The following MAP3K2 variants were observed in gnomAD, a reference collection of about 807,000 sequenced individuals.
The protein encoded by MAP3K2 is mitogen-activated protein kinase kinase kinase 2.
MAP3K2 carries 24 observed loss-of-function variants against 80.3 expected under a neutral mutation model. The observed-to-expected ratio is 0.30, with a 90% CI of 0.22 to 0.42. The LOEUF (loss-of-function observed/expected upper bound fraction) is 0.42, where lower values mean the gene tolerates loss of function less well. Ranked by LOEUF, MAP3K2 falls within the 10% of genes least tolerant of loss-of-function variation. The probability of loss-of-function intolerance (pLI) is 1.00; values close to 1 mark genes in which losing one functional copy is unlikely to be tolerated. For synonymous variants in MAP3K2, 244 were observed against 253.7 expected (o/e 0.96, Z 0.36); for missense variants, 608 against 750.1 (o/e 0.81, Z 2.21).
chr2:127,334,002 C>T (rs1002672875), intron 5 of MAP3K2, among the ~76,000 whole-genome samples: 3 of 151,836 alleles, frequency 2.0e-5, no homozygotes, highest in African/African-American at 4.8e-5. Flanking sequence ...AGGAGGCTGA[C>T]GTGGGAAGAT....
intron 1 of MAP3K2, among the ~76,000 whole-genome samples, chr2:127,380,921 T>C (rs1239968993): frequency 6.6e-6 from 1 of 152,246 alleles, no homozygotes; most frequent in Non-Finnish European, 1.5e-5. Context: ...TTCATAAAAA[T>C]GAAGTTCACT....
rs752516255 is a variant in MAP3K2 at position 127,350,454 on chromosome 2, C to CAAA, written c.-65-7263_-65-7261dup. Among the ~76,000 whole-genome samples the CAAA allele has an allele frequency of 4.0e-3, 402 of 99,378 alleles. 4 individuals are homozygous for CAAA. Among genetic ancestry groups the CAAA allele is most frequent in the Middle Eastern group, 7.1e-3 (1 of 140 alleles). The allele number at this position is 99,378 out of a possible 152,430, so 65.2% of individuals were successfully genotyped here. On this transcript the variant is annotated intron_variant, in intron 1 of 16. Transcript: ENST00000682094. ...CCATCTCCTGAAACAAAAACAAAAACAAAAAAAAAAAAAAAAAGAAAGAAG... is the reference window on the plus strand; with the variant it reads ...CCATCTCCTGAAACAAAAACAAAAACAAAAAAAAAAAAAAAAAAAAGAAAGAAG...
intron 1 of MAP3K2, among the ~76,000 whole-genome samples, chr2:127,356,933 CAG>C (rs1441756508): frequency 1.3e-5 from 2 of 152,112 alleles, no homozygotes; most frequent in African/African-American, 2.4e-5. Flanking sequence ...ACAGAGTAAA[CAG>C]ACAACCTACA....
At chr2:127,328,079 A>C (rs1010152037) in intron 7 of MAP3K2, among the ~76,000 whole-genome samples, 13 of 152,340 alleles carry the variant, frequency 8.5e-5, no homozygotes, top group African/African-American at 3.1e-4. Context: ...GTTCGAGACC[A>C]ATCTGGCTAA....
At chr2:127,369,189 A>G (rs1309454817) in intron 1 of MAP3K2, among the ~76,000 whole-genome samples, 1 of 150,874 alleles carries the variant, frequency 6.6e-6, no homozygotes, top group Non-Finnish European at 1.5e-5. Flanking sequence ...AGACCTTGTG[A>G]TCTGCCCGCC....
rs149831166 is a variant in MAP3K2 at position 127,339,700 on chromosome 2, T to G, written c.5-650A>C. Among the ~76,000 whole-genome samples the G allele has an allele frequency of 7.2e-5, 11 of 152,342 alleles. No individual in the cohort carries two copies. In the East Asian group the frequency reaches 2.1e-3, roughly 29 times the overall value. On this transcript the variant is annotated intron_variant, in intron 2 of 16. Transcript: ENST00000682094. The surrounding 1 kb of genome is among the most constrained non-coding windows in gnomAD (Gnocchi z 4.2). The stretch of plus-strand genomic sequence containing the variant: ...TCCATAAAACTGAGAGAAAGCATCA[T>G]GAACATGAACTTTTAGACTCTTATA...
intron 9 of MAP3K2, 58 bp downstream of exon 9, chr2:127,325,670 A>G: frequency 1.4e-6 from 2 of 1,396,534 alleles, no homozygotes; most frequent in Non-Finnish European, 2.0e-6. Context: ...CCTGGGTGAC[A>G]GCAAAACTCT....
chr2:127,359,735 G>A (rs759348076), intron 1 of MAP3K2, among the ~76,000 whole-genome samples: 5 of 152,188 alleles, frequency 3.3e-5, no homozygotes, highest in Admixed American at 1.3e-4. Context: ...AGATCTGGAC[G>A]TTTAAAAGTG....
chr2:127,308,018 G>A (rs1443564097), intron 16 of MAP3K2, among the ~76,000 whole-genome samples: 1 of 151,904 alleles, frequency 6.6e-6, no homozygotes, highest in African/African-American at 2.4e-5. Context: ...TAATTCAAAC[G>A]GTTGGGCAAA....
intron 7 of MAP3K2, among the ~76,000 whole-genome samples, 158 bp from the exon 8 acceptor site, chr2:127,326,975 A>C (rs1483216091): frequency 6.6e-6 from 1 of 152,218 alleles, no homozygotes; most frequent in Non-Finnish European, 1.5e-5. Context: ...TAAATCTTCA[A>C]ATGGCTTTAT....
intron 1 of MAP3K2, among the ~76,000 whole-genome samples, chr2:127,371,251 C>T (rs955208948): frequency 5.3e-5 from 8 of 152,094 alleles, no homozygotes; most frequent in South Asian, 2.1e-4. Context: ...ATGAGTTGTG[C>T]GAACAACAAG....
At chr2:127,323,835 T>A in intron 11 of MAP3K2, 67 bp downstream of exon 11, 1 of 722,496 alleles carries the variant, frequency 1.4e-6, no homozygotes, top group African/African-American at 1.8e-5. Context: ...TTTTAAAAAA[T>A]TTTTGTATTT....
chr2:127,313,940 G>A (rs1685853889), intron 15 of MAP3K2, among the ~76,000 whole-genome samples: 1 of 152,134 alleles, frequency 6.6e-6, no homozygotes, highest in Non-Finnish European at 1.5e-5. Flanking sequence ...AGGTAGCTGG[G>A]ACTACAGTCA....
rs1415402277 is a variant in MAP3K2 at position 127,330,477 on chromosome 2, T to A, written c.293A>T (p.Asp98Val). 1.9e-6 allele frequency: 3 copies of A among 1,605,496 alleles called. No homozygotes were observed. The highest frequency in any genetic ancestry group is 2.7e-5 in the African/African-American group (2 of 74,640). ...CAGCAGTTCCACAGCTTTGTCCAAG[T>A]CATCTTGAGTAGTTAATGGAATTAC... ...ELVIPLTTQD[D>V]LDKAVELLDR... The change falls in exon 6 of 17, where the codon GAC (aspartate) becomes GTC (valine). Residue 98 changes from aspartate (D) to valine (V), a missense_variant. Transcript: ENST00000682094.
In MAP3K2 at chr2:127,314,833, C is replaced by T. The variant is rs1450098865; in HGVS notation, c.1377G>A (p.Val459=). The change falls in exon 15 of 17, where the codon GTG becomes GTA. Residue 459 remains valine (V), a synonymous_variant. Coordinates refer to ENST00000682094, the MANE Select transcript of MAP3K2 (RefSeq NM_001371910.2). The part of the protein sequence containing the change: ...LKAYGALTEN[V]TRKYTRQILE... ...GAATCTGACGGGTGTATTTCCTAGT[C>T]ACATTCTCAGTAAGAGCGCCATATG... 1.9e-6 allele frequency: 3 copies of T among 1,610,748 alleles called. No homozygotes were observed. Among genetic ancestry groups the T allele is most frequent in the Admixed American group, 3.3e-5 (2 of 59,958 alleles).
At chr2:127,328,091 A>G (rs1363814533) in intron 7 of MAP3K2, among the ~76,000 whole-genome samples, 1 of 152,216 alleles carries the variant, frequency 6.6e-6, no homozygotes, top group Non-Finnish European at 1.5e-5. Context: ...TCTGGCTAAC[A>G]GGCTGAAACC....
chr2:127,372,977 C>T lies in MAP3K2; in HGVS notation c.-66+14475G>A, dbSNP rs553899687. On this transcript the variant is annotated intron_variant, in intron 1 of 16. Transcript: ENST00000682094. ...GGGGCTCCCCTCCCCCACGGCCATT[C>T]GACATTGGCCTATAATCGTTACTGA... Among the ~76,000 whole-genome samples the T allele has an allele frequency of 1.5e-3, 230 of 152,292 alleles. 1 individual carries two copies. Among genetic ancestry groups the T allele is most frequent in the African/African-American group, 4.3e-3 (177 of 41,556 alleles).
At chr2:127,375,661 G>C (rs1687140195) in intron 1 of MAP3K2, among the ~76,000 whole-genome samples, 1 of 152,052 alleles carries the variant, frequency 6.6e-6, no homozygotes, top group South Asian at 2.1e-4. Context: ...ACCTGCCTCA[G>C]CCTCCCAAAG....
chr2:127,301,397 G>C lies in MAP3K2; in HGVS notation c.*6182C>G, dbSNP rs1245979967. 1.3e-5 allele frequency: 2 copies of C among 152,192 alleles called. No homozygotes were observed. The highest frequency in any genetic ancestry group is 6.5e-5 in the Admixed American group (1 of 15,282). The allele number at this position is 152,192 out of a possible 1,614,324, so 9.4% of individuals were successfully genotyped here. Reference sequence around the variant, plus strand: ...ATGTCTACATAGTTCCTCAATAGTGGAAGTAACTTCTGGATGTCTAAATGC... The same window carrying C: ...ATGTCTACATAGTTCCTCAATAGTGCAAGTAACTTCTGGATGTCTAAATGC... On this transcript the variant is annotated 3_prime_UTR_variant, in exon 17 of 17. Transcript: ENST00000682094.
Sources: gnomAD v4.1 joint callset for allele counts (sites outside exome capture counted in the v4.1 genomes callset) on GRCh38, gnomAD v4.1.1 for gene constraint, Gnocchi (gnomAD v3.1) non-coding constraint, MANE v1.5 for transcripts, NCBI Gene and HGNC (gene_info 2026-07-23, HGNC 2026-07-21) for gene names.